The following LMO7 variants were observed in gnomAD, a reference collection of about 807,000 sequenced individuals.
The protein encoded by LMO7 is LIM domain only protein 7.
Under a neutral mutation model 206.5 loss-of-function variants are expected in LMO7, and 120 were observed. That is an observed-to-expected ratio of 0.58 (90% CI 0.50 to 0.68). LMO7 has a LOEUF of 0.68. Ranked by LOEUF, LMO7 falls within the 30% of genes least tolerant of loss-of-function variation. The pLI, the probability that LMO7 is intolerant of heterozygous loss-of-function variation, is 0.00. For missense variants in LMO7, 1,959 were observed against 1,957.9 expected, an observed-to-expected ratio of 1.00 and a Z score of -0.01; for synonymous variants, 706 against 681.5, an observed-to-expected ratio of 1.04 and a Z score of -0.56.
intron 7 of LMO7, among the ~76,000 whole-genome samples, chr13:75,801,412 T>G (rs1208696259): frequency 6.6e-6 from 1 of 152,222 alleles, no homozygotes; most frequent in Non-Finnish European, 1.5e-5. Flanking sequence ...CTTTGTAGAT[T>G]GAGTAATATA....
chr13:75,729,875 A>G (rs1269037770), intron 3 of LMO7, among the ~76,000 whole-genome samples: 1 of 151,120 alleles, frequency 6.6e-6, no homozygotes, highest in Non-Finnish European at 1.5e-5. Flanking sequence ...TTCTGCATCT[A>G]TTGAGATAAT....
At chr13:75,711,704 C>T (rs978823905) in intron 1 of LMO7, among the ~76,000 whole-genome samples, 3 of 152,244 alleles carry the variant, frequency 2.0e-5, no homozygotes, top group South Asian at 2.1e-4. Context: ...GCGTCGCTCA[C>T]GCTGGGAGCT....
chr13:75,732,188 G>T (rs1256327889), intron 3 of LMO7, among the ~76,000 whole-genome samples: 1 of 152,136 alleles, frequency 6.6e-6, no homozygotes, highest in Admixed American at 6.5e-5. Context: ...CTAGATTGGG[G>T]AAGTTCTCCT....
chr13:75,781,303 G>C (rs1225020035), intron 4 of LMO7, among the ~76,000 whole-genome samples: 3 of 88,862 alleles, frequency 3.4e-5, no homozygotes, highest in Non-Finnish European at 5.9e-5. Context: ...ACAGTCCCCA[G>C]AGTGTGATGT....
At chr13:75,690,125 G>A (rs1423740203) in intron 1 of LMO7, among the ~76,000 whole-genome samples, 1 of 151,428 alleles carries the variant, frequency 6.6e-6, no homozygotes, top group Non-Finnish European at 1.5e-5. Context: ...TTAGAGATGG[G>A]GGTCTTACTA....
chr13:75,853,489 G>T, intron 28 of LMO7, 101 bp downstream of exon 28: 1 of 1,151,816 alleles, frequency 8.7e-7, no homozygotes, highest in Non-Finnish European at 1.2e-6. Context: ...AGAAGAAAAA[G>T]AAGCCCTTTT....
At chr13:75,804,639 G>T (rs1480677499) in intron 8 of LMO7, 98 bp downstream of exon 8, 1 of 1,376,118 alleles carries the variant, frequency 7.3e-7, no homozygotes, top group Admixed American at 2.3e-5. Flanking sequence ...GTGTTTCATA[G>T]ATCATATATT....
intron 4 of LMO7, among the ~76,000 whole-genome samples, chr13:75,780,156 T>G (rs1229959130): frequency 6.6e-6 from 1 of 152,196 alleles, no homozygotes; most frequent in African/African-American, 2.4e-5. Context: ...TGTCCCACTG[T>G]GCATGCATTG....
chr13:75,806,145 G>T, intron 9 of LMO7: 1 of 1,008,572 alleles, frequency 9.9e-7, no homozygotes, highest in Non-Finnish European at 1.2e-6. Context: ...CAGAGCATAG[G>T]CTAGACGGCA....
intron 4 of LMO7, among the ~76,000 whole-genome samples, chr13:75,790,919 A>G (rs2053186863): frequency 6.6e-6 from 1 of 151,944 alleles, no homozygotes; most frequent in South Asian, 2.1e-4. Flanking sequence ...GTATAGAGTA[A>G]GGGCTATCAA....
intron 11 of LMO7, among the ~76,000 whole-genome samples, chr13:75,811,467 A>G (rs1001529469): frequency 2.6e-5 from 4 of 152,186 alleles, no homozygotes; most frequent in African/African-American, 9.7e-5. Flanking sequence ...ATTTCTCTGA[A>G]CATAATGTAC....
chr13:75,741,987 C>T lies in LMO7; in HGVS notation c.210+14889C>T, dbSNP rs142317768. Among the ~76,000 whole-genome samples the T allele has an allele frequency of 7.9e-4, 120 of 152,276 alleles. 1 individual carries two copies. The highest frequency in any genetic ancestry group is 2.8e-3 in the African/African-American group (115 of 41,550). ...CTATAACTAGAAAACTGCATAGTCT[C>T]GGCCCCAAAGCTCCTTAAGCTGTTA... is the stretch of plus-strand genomic sequence containing the variant. On this transcript the variant is annotated intron_variant, in intron 3 of 30. Transcript: ENST00000377534.
At chr13:75,761,174 CT>C (rs1006367266) in intron 4 of LMO7, 136 bp downstream of exon 4, 1 of 598,314 alleles carries the variant, frequency 1.7e-6, no homozygotes. Context: ...TGTTCTCATT[CT>C]AAAAGAGACT....
intron 3 of LMO7, among the ~76,000 whole-genome samples, chr13:75,727,864 G>C: frequency 6.6e-6 from 1 of 150,608 alleles, no homozygotes; most frequent in East Asian, 2.0e-4. Flanking sequence ...CTTTGAGTGA[G>C]AACATGCGGT....
chr13:75,639,650 C>G (rs768643290), intron 1 of LMO7, among the ~76,000 whole-genome samples: 9 of 152,176 alleles, frequency 5.9e-5, no homozygotes, highest in Non-Finnish European at 1.0e-4. Flanking sequence ...GCCTTTGTCT[C>G]TCTGTTGTGG....
chr13:75,761,697 CTT>C (rs2048245034), intron 4 of LMO7, among the ~76,000 whole-genome samples: 1 of 151,996 alleles, frequency 6.6e-6, no homozygotes, highest in South Asian at 2.1e-4. Flanking sequence ...GTTTTAAGCT[CTT>C]ATGATATTTA....
At position 75,856,884 on chromosome 13, in the gene LMO7, G is replaced by A. The variant is rs75502311; in HGVS notation, c.4873+276G>A. On this transcript the variant is annotated intron_variant, in intron 30 of 30. Coordinates refer to ENST00000377534, the MANE Select transcript of LMO7 (RefSeq NM_001306080.2). ...GTCTTGTGTTATCTGCCCAGAGTCC[G>A]CAGAGACCTTTAATGACTCAAGAAT... The A allele has an allele frequency of 1.7e-4, 44 of 255,458 alleles. 1 individual carries two copies. In the East Asian group the frequency reaches 2.2e-3, roughly 13 times the overall value. 15.8% of individuals were successfully genotyped at this position (255,458 alleles called of 1,614,324 possible).
intron 18 of LMO7, 126 bp downstream of exon 18, chr13:75,835,465 A>G (rs1269564693): frequency 1.0e-5 from 6 of 581,858 alleles, no homozygotes; most frequent in African/African-American, 7.7e-5. Context: ...AAATGATTGA[A>G]TAATGTAAAT....
intron 3 of LMO7, among the ~76,000 whole-genome samples, chr13:75,751,459 C>A (rs374791331): frequency 6.6e-6 from 1 of 152,094 alleles, no homozygotes; most frequent in African/African-American, 2.4e-5. Context: ...CGCACCTGAC[C>A]AGCTCTTTTT....
Sources: gnomAD v4.1 joint callset for allele counts (sites outside exome capture counted in the v4.1 genomes callset) on GRCh38, gnomAD v4.1.1 for gene constraint, MANE v1.5 for transcripts, NCBI Gene and HGNC (gene_info 2026-07-23, HGNC 2026-07-21) for gene names.